The following MET variants were observed in gnomAD, a reference collection of about 807,000 sequenced individuals.
MET encodes the protein hepatocyte growth factor receptor.
Under a neutral mutation model 133.1 loss-of-function variants are expected in MET, and 48 were observed. The observed-to-expected ratio is 0.36, with a 90% CI of 0.29 to 0.46. The LOEUF (loss-of-function observed/expected upper bound fraction) is 0.46, where lower values mean the gene tolerates loss of function less well. MET is among the 20% of genes least tolerant of loss of function. The pLI is 1.00. For missense variants in MET, 1,442 were observed against 1,695.9 expected (o/e 0.85, Z 2.63); for synonymous variants, 628 against 616.5 (o/e 1.02, Z -0.28).
At chr7:116,700,310 T>G (rs759577935) in intron 2 of MET, 26 bp downstream of exon 2, 16 of 1,593,992 alleles carry the variant, frequency 1.0e-5, no homozygotes, top group Non-Finnish European at 1.3e-5. Flanking sequence ...TCCCCACTTA[T>G]AAACTGTGAG....
At chr7:116,688,340 C>T (rs1052618052) in intron 1 of MET, among the ~76,000 whole-genome samples, 23 of 152,140 alleles carry the variant, frequency 1.5e-4, no homozygotes, top group African/African-American at 5.6e-4. Flanking sequence ...AACACTGCTA[C>T]ACAGTCTGAA....
At chr7:116,709,199 T>C (rs1490689992) in intron 2 of MET, among the ~76,000 whole-genome samples, 2 of 152,224 alleles carry the variant, frequency 1.3e-5, no homozygotes, top group East Asian at 3.8e-4. Context: ...TACAGACACA[T>C]GTTGCCTTTC....
At chr7:116,690,978 C>T (rs140481959) in intron 1 of MET, among the ~76,000 whole-genome samples, 2,981 of 152,276 alleles carry the variant, frequency 0.02, 39 homozygotes, top group Non-Finnish European at 0.029. Context: ...AATAGACCTA[C>T]TTTTAAAGTT....
intron 1 of MET, among the ~76,000 whole-genome samples, chr7:116,698,692 C>T (rs1470170471): frequency 2.0e-5 from 3 of 152,158 alleles, no homozygotes; most frequent in African/African-American, 7.2e-5. Context: ...TAAATATCAA[C>T]CTAGTCATTA....
intron 1 of MET, among the ~76,000 whole-genome samples, chr7:116,684,891 G>A (rs1796492579): frequency 6.6e-6 from 1 of 152,198 alleles, no homozygotes; most frequent in South Asian, 2.1e-4. Flanking sequence ...CAGATGATCA[G>A]GGTGAGAATG....
intron 6 of MET, 89 bp downstream of exon 6, chr7:116,755,604 C>A: frequency 6.6e-7 from 1 of 1,518,036 alleles, no homozygotes; most frequent in Non-Finnish European, 9.1e-7. Context: ...GCTCAAGAAG[C>A]TCATCTCTTG....
chr7:116,687,135 C>A (rs1424911152), intron 1 of MET, among the ~76,000 whole-genome samples: 1 of 152,222 alleles, frequency 6.6e-6, no homozygotes, highest in Non-Finnish European at 1.5e-5. Flanking sequence ...CTTCTCTCTT[C>A]TATTTCTTTC....
chr7:116,745,490 G>T (rs1793635374), intron 5 of MET, among the ~76,000 whole-genome samples: 1 of 152,250 alleles, frequency 6.6e-6, no homozygotes, highest in Non-Finnish European at 1.5e-5. Flanking sequence ...TAAGCCAAAA[G>T]AACAAAGCTG....
intron 19 of MET, among the ~76,000 whole-genome samples, chr7:116,795,116 T>C (rs1285886859): frequency 6.6e-6 from 1 of 152,236 alleles, no homozygotes. Flanking sequence ...TAGAGAAACT[T>C]GTTGCCTTGC....
chr7:116,716,293 GAGAGAGAGAGAGA>G (rs1792195431), intron 2 of MET, among the ~76,000 whole-genome samples: 2 of 83,726 alleles, frequency 2.4e-5, no homozygotes, highest in African/African-American at 1.2e-4. Context: ...GGGAGAGAGA[GAGAGAGAGAGAGA>G]GAGAGAGAGA....
intron 1 of MET, among the ~76,000 whole-genome samples, chr7:116,688,615 T>A (rs1796661735): frequency 1.3e-5 from 2 of 152,248 alleles, no homozygotes; most frequent in African/African-American, 4.8e-5. Flanking sequence ...TTTATTCTTC[T>A]TTCCAAGAAG....
intron 3 of MET, among the ~76,000 whole-genome samples, chr7:116,735,779 C>CTTTTT (rs34534013): frequency 7.7e-6 from 1 of 129,834 alleles, no homozygotes; most frequent in Non-Finnish European, 1.6e-5. Context: ...TTAGCTTTGG[C>CTTTTT]TTTTTTTTTT....
rs146851440 is a variant in MET, at chr7:116,756,005, A to G, written c.1862+490A>G. ...ATGAGTTAAAATTTATATTCAGCTTATATTTACTGGCACTGCAATATATGG... is the reference window on the plus strand; with the variant it reads ...ATGAGTTAAAATTTATATTCAGCTTGTATTTACTGGCACTGCAATATATGG... On this transcript the variant is annotated intron_variant, in intron 6 of 20. Transcript: ENST00000397752. 4.3e-3 allele frequency among the ~76,000 whole-genome samples: 650 copies of G among 152,326 alleles called. 14 individuals carry two copies. Among genetic ancestry groups the G allele is most frequent in the Non-Finnish European group, 1.6e-3 (110 of 68,034 alleles).
chr7:116,677,590 C>T (rs1331534280), intron 1 of MET, among the ~76,000 whole-genome samples: 1 of 152,236 alleles, frequency 6.6e-6, no homozygotes, highest in East Asian at 1.9e-4. Context: ...CACCATACAG[C>T]TTACAGTGGC....
chr7:116,760,115 A>G (rs1794341084), intron 10 of MET, among the ~76,000 whole-genome samples: 1 of 152,184 alleles, frequency 6.6e-6, no homozygotes, highest in Non-Finnish European at 1.5e-5. Context: ...ACAAATGGAA[A>G]TCACAGCATT....
intron 2 of MET, among the ~76,000 whole-genome samples, chr7:116,723,692 C>T (rs1188318770): frequency 1.3e-5 from 2 of 152,144 alleles, no homozygotes; most frequent in African/African-American, 4.8e-5. Flanking sequence ...TGTTAGTTTT[C>T]CTTCTAACAG....
Position 116,700,146 on chromosome 7 carries a change from C to G in MET, c.1062C>G (p.Ala354=), listed in dbSNP as rs755166920. ...TCGCACAAAGCAAGCCAGATTCTGC[C>G]GAACCAATGGATCGATCTGCCATGT... The part of the protein sequence containing the change: ...GVFAQSKPDS[A]EPMDRSAMCA... The change falls in exon 2 of 21, where the codon GCC becomes GCG. Residue 354 remains alanine, a synonymous_variant. Coordinates refer to ENST00000397752, the MANE Select transcript of MET (RefSeq NM_000245.4). 10 of 1,596,946 alleles carry G rather than the reference C, an allele frequency of 6.3e-6. No individual in the cohort carries two copies. In the South Asian group the frequency reaches 1.1e-4, roughly 18 times the overall value.
chr7:116,689,568 T>C (rs1397971431), intron 1 of MET, among the ~76,000 whole-genome samples: 28 of 135,298 alleles, frequency 2.1e-4, no homozygotes, highest in African/African-American at 7.7e-4. Flanking sequence ...TCTTTTTTTT[T>C]TTTTTTTTTT....
At position 116,790,983 on chromosome 7, in the gene MET, C is replaced by T. The variant is rs535426216; in HGVS notation, c.3799-4672C>T. On this transcript the variant is annotated intron_variant, in intron 19 of 20. Transcript: ENST00000397752. ...ATCCCAACTATTCAGGAGGCTGCGGCGGGACAGTTGCTTGAACCCTGGATG... is the reference window on the plus strand; with the variant it reads ...ATCCCAACTATTCAGGAGGCTGCGGTGGGACAGTTGCTTGAACCCTGGATG... Among the ~76,000 whole-genome samples, 50 of 152,254 alleles carry T rather than the reference C, an allele frequency of 3.3e-4. No homozygotes were observed. The South Asian group carries it at 7.1e-3, about 21-fold the overall frequency.
Sources: gnomAD v4.1 joint callset for allele counts (sites outside exome capture counted in the v4.1 genomes callset) on GRCh38, gnomAD v4.1.1 for gene constraint, MANE v1.5 for transcripts, NCBI Gene and HGNC (gene_info 2026-07-23, HGNC 2026-07-21) for gene names.